GRM1: variants seen among roughly 807,000 people sequenced by gnomAD.
GRM1 encodes metabotropic glutamate receptor 1.
Under a neutral mutation model 90.9 loss-of-function variants are expected in GRM1, and 33 were observed. The observed-to-expected ratio is 0.36, with a 90% CI of 0.28 to 0.49. The LOEUF (loss-of-function observed/expected upper bound fraction) is 0.49. Ranked by LOEUF, GRM1 falls within the 20% of genes least tolerant of loss-of-function variation. The probability of loss-of-function intolerance (pLI) is 0.99; values close to 1 mark genes in which losing one functional copy is unlikely to be tolerated. For synonymous variants in GRM1, 700 were observed against 613.2 expected, an observed-to-expected ratio of 1.14 and a Z score of -2.09; for missense variants, 1,190 against 1,534.3, an observed-to-expected ratio of 0.78 and a Z score of 3.75.
chr6:146,245,094 C>T (rs1167829870), intron 2 of GRM1, among the ~76,000 whole-genome samples: 2 of 152,136 alleles, frequency 1.3e-5, no homozygotes, highest in African/African-American at 2.4e-5. Context: ...ATTGCAGTCC[C>T]TATGCCCTGT....
At chr6:146,070,979 G>T (rs1214200042) in intron 1 of GRM1, among the ~76,000 whole-genome samples, 1 of 152,128 alleles carries the variant, frequency 6.6e-6, no homozygotes, top group Non-Finnish European at 1.5e-5. Flanking sequence ...AATTCACTAA[G>T]AAACTATCGA....
intron 3 of GRM1, among the ~76,000 whole-genome samples, chr6:146,309,465 G>A (rs890400472): frequency 6.6e-6 from 1 of 150,984 alleles, no homozygotes. Context: ...TCCTACTAAC[G>A]CTGCTTGAAA....
intron 2 of GRM1, among the ~76,000 whole-genome samples, chr6:146,228,918 A>G (rs1342218489): frequency 6.6e-6 from 1 of 152,150 alleles, no homozygotes; most frequent in East Asian, 1.9e-4. Context: ...CTTCAACTCC[A>G]ATAAATATCT....
At chr6:146,267,995 T>C (rs778368584) in intron 2 of GRM1, among the ~76,000 whole-genome samples, 2 of 152,118 alleles carry the variant, frequency 1.3e-5, no homozygotes, top group Non-Finnish European at 2.9e-5. Flanking sequence ...TGCCTCTAGG[T>C]CTTTCAGGAA....
chr6:146,096,635 A>G (rs1445386542), intron 1 of GRM1, among the ~76,000 whole-genome samples: 2 of 152,168 alleles, frequency 1.3e-5, no homozygotes, highest in Non-Finnish European at 2.9e-5. Context: ...TTGCTGGTGT[A>G]TCACCCATGA....
intron 1 of GRM1, among the ~76,000 whole-genome samples, chr6:146,100,234 T>C (rs769566654): frequency 1.1e-4 from 17 of 152,248 alleles, no homozygotes; most frequent in Non-Finnish European, 1.2e-4. Flanking sequence ...TATTGTTTTA[T>C]GTGTATTTCT....
chr6:146,374,341 A>G (rs1278211236), intron 5 of GRM1, among the ~76,000 whole-genome samples: 2 of 151,980 alleles, frequency 1.3e-5, no homozygotes, highest in Admixed American at 6.6e-5. Context: ...TTTTTGATGT[A>G]TCTTTATCTG....
At chr6:146,110,284 G>A (rs1017525025) in intron 1 of GRM1, among the ~76,000 whole-genome samples, 19 of 152,080 alleles carry the variant, frequency 1.2e-4, no homozygotes, top group Admixed American at 1.2e-3. Flanking sequence ...TGAATCATGG[G>A]GGTGGGTCTT....
intron 1 of GRM1, among the ~76,000 whole-genome samples, chr6:146,055,089 A>G (rs1397357422): frequency 1.3e-5 from 2 of 152,120 alleles, no homozygotes; most frequent in African/African-American, 2.4e-5. Context: ...GTTACGGGCA[A>G]TTAATACAGC....
At chr6:146,323,737 A>C (rs1349647680) in intron 3 of GRM1, among the ~76,000 whole-genome samples, 1 of 152,194 alleles carries the variant, frequency 6.6e-6, no homozygotes, top group Non-Finnish European at 1.5e-5. Context: ...CTAATATTTA[A>C]GTCTTTAATC....
intron 2 of GRM1, among the ~76,000 whole-genome samples, chr6:146,267,443 A>G (rs1224342115): frequency 6.6e-6 from 1 of 152,184 alleles, no homozygotes; most frequent in African/African-American, 2.4e-5. Flanking sequence ...CAGAACCAAT[A>G]GAATATATAT....
chr6:146,107,172 T>C (rs1775337802), intron 1 of GRM1, among the ~76,000 whole-genome samples: 1 of 152,184 alleles, frequency 6.6e-6, no homozygotes, highest in Non-Finnish European at 1.5e-5. Context: ...TCCTCTAAGA[T>C]TAAAATGCAT....
At chr6:146,144,997 G>T (rs1050752703) in intron 1 of GRM1, among the ~76,000 whole-genome samples, 1 of 152,178 alleles carries the variant, frequency 6.6e-6, no homozygotes, top group East Asian at 1.9e-4. Flanking sequence ...CATGCCCAAG[G>T]GCTTTGTGGA....
intron 2 of GRM1, among the ~76,000 whole-genome samples, chr6:146,203,150 C>A (rs1326809533): frequency 6.6e-6 from 1 of 151,122 alleles, no homozygotes; most frequent in East Asian, 2.0e-4. Context: ...GCCAAGATAG[C>A]GCCACATCAC....
chr6:146,237,240 G>A (rs1293424420), intron 2 of GRM1, among the ~76,000 whole-genome samples: 1 of 151,968 alleles, frequency 6.6e-6, no homozygotes, highest in Non-Finnish European at 1.5e-5. Context: ...TTTCTGTATA[G>A]CAGGAGGAAA....
intron 1 of GRM1, among the ~76,000 whole-genome samples, chr6:146,081,110 T>C (rs1776350922): frequency 6.6e-6 from 1 of 152,156 alleles, no homozygotes; most frequent in African/African-American, 2.4e-5. Context: ...ATTTAAAAGC[T>C]GTGGAGTCTC....
At chr6:146,108,990 G>A (rs1342274380) in intron 1 of GRM1, among the ~76,000 whole-genome samples, 1 of 152,174 alleles carries the variant, frequency 6.6e-6, no homozygotes, top group Non-Finnish European at 1.5e-5. Flanking sequence ...CATTCAAGAG[G>A]TGACTTGGGT....
At chr6:146,080,519 G>C (rs976421867) in intron 1 of GRM1, among the ~76,000 whole-genome samples, 1 of 152,142 alleles carries the variant, frequency 6.6e-6, no homozygotes, top group African/African-American at 2.4e-5. Flanking sequence ...TGAGAGAAGG[G>C]AGGAAGTTAC....
At chr6:146,218,750 T>C (rs1008892464) in intron 2 of GRM1, among the ~76,000 whole-genome samples, 24 of 152,222 alleles carry the variant, frequency 1.6e-4, no homozygotes, top group African/African-American at 5.5e-4. Context: ...TGCCTTTTGC[T>C]GTGACATTGT....
Sources: allele counts gnomAD v4.1 joint callset (sites outside exome capture counted in the v4.1 genomes callset), GRCh38; gene constraint gnomAD v4.1.1; transcripts MANE v1.5; gene names NCBI Gene and HGNC (gene_info 2026-07-23, HGNC 2026-07-21).